SLC4A10: variants seen among roughly 807,000 people sequenced by gnomAD.
The protein encoded by SLC4A10 is sodium-driven chloride bicarbonate exchanger.
A neutral mutation model predicts 137.7 loss-of-function variants in SLC4A10; 42 were observed. The ratio of observed to expected loss-of-function variants is 0.30; its 90% CI spans 0.24 to 0.39. The LOEUF is 0.39. SLC4A10 is among the 10% of genes least tolerant of loss of function. SLC4A10 has a pLI of 1.00. For synonymous variants in SLC4A10, 474 were observed against 464.1 expected (o/e 1.02, Z -0.27); for missense variants, 925 against 1,355.0 (o/e 0.68, Z 4.98).
chr2:161,651,547 G>A (rs374000846), intron 1 of SLC4A10, among the ~76,000 whole-genome samples: 18 of 152,334 alleles, frequency 1.2e-4, no homozygotes, highest in East Asian at 7.7e-4. Context: ...TGACCTCCCT[G>A]AGTCAGGGCT....
At chr2:161,666,021 A>T (rs924159886) in intron 1 of SLC4A10, among the ~76,000 whole-genome samples, 1 of 150,512 alleles carries the variant, frequency 6.6e-6, no homozygotes, top group Non-Finnish European at 1.5e-5. Context: ...TATTGTAATG[A>T]TACTACTTGT....
At chr2:161,863,186 A>G (rs2125891620) in intron 6 of SLC4A10, 124 bp downstream of exon 6, 1 of 946,308 alleles carries the variant, frequency 1.1e-6, no homozygotes, top group Non-Finnish European at 1.5e-6. Context: ...TTATTGTAGA[A>G]TTCTTTTCAC....
chr2:161,928,062 C>A (rs1038444219), intron 15 of SLC4A10, among the ~76,000 whole-genome samples: 1 of 150,726 alleles, frequency 6.6e-6, no homozygotes, highest in African/African-American at 2.4e-5. Flanking sequence ...GCTATAAAGA[C>A]ACATGCACAC....
intron 1 of SLC4A10, among the ~76,000 whole-genome samples, chr2:161,762,452 C>T (rs2050351692): frequency 6.6e-6 from 1 of 152,050 alleles, no homozygotes; most frequent in South Asian, 2.1e-4. Flanking sequence ...CAGTATGATA[C>T]AATTAGACCT....
intron 3 of SLC4A10, among the ~76,000 whole-genome samples, chr2:161,816,572 G>T (rs1478850802): frequency 1.3e-5 from 2 of 151,846 alleles, no homozygotes; most frequent in African/African-American, 4.8e-5. Context: ...GTGGTGTGCT[G>T]CACCCATTAA....
chr2:161,704,774 T>G (rs1477586806), intron 1 of SLC4A10, among the ~76,000 whole-genome samples: 2 of 151,840 alleles, frequency 1.3e-5, no homozygotes, highest in East Asian at 3.9e-4. Context: ...GGCATTACAC[T>G]TTTGGTGTTC....
At chr2:161,835,099 G>A (rs10203551) in intron 3 of SLC4A10, among the ~76,000 whole-genome samples, 3,010 of 148,934 alleles carry the variant, frequency 0.02, 105 homozygotes, top group African/African-American at 0.071. Context: ...GAGCAATAGC[G>A]CAATCTTGGC....
intron 11 of SLC4A10, among the ~76,000 whole-genome samples, chr2:161,899,922 C>T (rs1339721440): frequency 1.3e-5 from 2 of 152,044 alleles, no homozygotes; most frequent in Non-Finnish European, 2.9e-5. Flanking sequence ...TTTTTCAAAA[C>T]CTTTTTTATG....
chr2:161,648,699 A>G (rs2036398282), intron 1 of SLC4A10, among the ~76,000 whole-genome samples: 1 of 152,224 alleles, frequency 6.6e-6, no homozygotes, highest in South Asian at 2.1e-4. Context: ...GATAATACAT[A>G]ACATTGAGGG....
At chr2:161,762,221 T>C (rs1374084565) in intron 1 of SLC4A10, among the ~76,000 whole-genome samples, 1 of 152,126 alleles carries the variant, frequency 6.6e-6, no homozygotes, top group East Asian at 1.9e-4. Context: ...ATTTAACTTG[T>C]ATTATCATGA....
chr2:161,859,594 C>CTTTTTTTTTTTTTTTT (rs72003642), intron 5 of SLC4A10, among the ~76,000 whole-genome samples: 24 of 47,290 alleles, frequency 5.1e-4, no homozygotes, highest in Admixed American at 1.1e-3. Flanking sequence ...CTTTTCTTTT[C>CTTTTTTTTTTTTTTTT]TTTTTTTTTT....
chr2:161,678,069 T>C (rs1221700230), intron 1 of SLC4A10, among the ~76,000 whole-genome samples: 1 of 152,180 alleles, frequency 6.6e-6, no homozygotes, highest in Non-Finnish European at 1.5e-5. Context: ...TTTTATCTTT[T>C]TTCACTGTGC....
At chr2:161,655,604 TTAAGAAAGAATTCATGA>T (rs1461112530) in intron 1 of SLC4A10, among the ~76,000 whole-genome samples, 4 of 152,122 alleles carry the variant, frequency 2.6e-5, no homozygotes, top group Non-Finnish European at 5.9e-5. Flanking sequence ...TATCAAATAG[TTAAGAAAGAATTCATGA>T]CAACCATTTT....
intron 7 of SLC4A10, among the ~76,000 whole-genome samples, chr2:161,873,486 G>A (rs1351331872): frequency 1.5e-5 from 2 of 135,422 alleles, no homozygotes; most frequent in Non-Finnish European, 1.5e-5. Context: ...AGCTGAGGTC[G>A]TGTCACTGCA....
chr2:161,683,349 G>C (rs2041067392), intron 1 of SLC4A10, among the ~76,000 whole-genome samples: 1 of 152,154 alleles, frequency 6.6e-6, no homozygotes, highest in Non-Finnish European at 1.5e-5. Context: ...ATATATAAAG[G>C]AGAAGAGCAG....
intron 5 of SLC4A10, among the ~76,000 whole-genome samples, chr2:161,862,561 A>T (rs1332769129): frequency 1.3e-5 from 2 of 152,186 alleles, no homozygotes; most frequent in East Asian, 3.8e-4. Flanking sequence ...ATCAGTGTGG[A>T]TAATAAATAA....
chr2:161,782,986 CA>C (rs142242439), intron 2 of SLC4A10, among the ~76,000 whole-genome samples: 2,832 of 151,416 alleles, frequency 0.019, 97 homozygotes, highest in African/African-American at 0.064. Context: ...ATGTGTAATC[CA>C]AGGACCCCCA....
At chr2:161,854,115 A>T (rs920630305) in intron 4 of SLC4A10, among the ~76,000 whole-genome samples, 1 of 152,160 alleles carries the variant, frequency 6.6e-6, no homozygotes, top group Non-Finnish European at 1.5e-5. Flanking sequence ...AATGGTGGAG[A>T]TGGAGGTAGG....
At chr2:161,956,875 T>G in intron 19 of SLC4A10, 114 bp from the exon 20 acceptor site, 1 of 1,159,728 alleles carries the variant, frequency 8.6e-7, no homozygotes, top group Non-Finnish European at 1.2e-6. Context: ...CCAGGAGATC[T>G]GATATGAAGG....
Sources: allele counts gnomAD v4.1 joint callset (sites outside exome capture counted in the v4.1 genomes callset), GRCh38; gene constraint gnomAD v4.1.1; transcripts MANE v1.5; gene names NCBI Gene and HGNC (gene_info 2026-07-23, HGNC 2026-07-21).